RORA: variants seen among roughly 807,000 people sequenced by gnomAD.
RORA encodes RAR related orphan receptor A.
In RORA, 7 loss-of-function variants were observed where a neutral mutation model predicts 69.5. That is an observed-to-expected ratio of 0.10 (90% CI 0.06 to 0.19). The LOEUF (loss-of-function observed/expected upper bound fraction) is 0.19. RORA is among the 10% of genes least tolerant of loss of function. The pLI is 1.00. For synonymous variants in RORA, 261 were observed against 240.8 expected (o/e 1.08, Z -0.78); for missense variants, 457 against 663.0 (o/e 0.69, Z 3.41).
chr15:60,677,415 T>C (rs2097612576), intron 2 of RORA: 2 of 339,576 alleles, frequency 5.9e-6, no homozygotes, highest in Admixed American at 3.6e-5. Flanking sequence ...CATTGAGAGA[T>C]GGAGGTGCCA....
At chr15:60,978,959 C>CCCTTTTTTTTTTTTTTT (rs1423510527) in intron 1 of RORA, among the ~76,000 whole-genome samples, 1 of 48,976 alleles carries the variant, frequency 2.0e-5, no homozygotes, top group African/African-American at 7.3e-5. Flanking sequence ...TCCAACTTTG[C>CCCTTTTTTTTTTTTTTT]TCTTTTTTTT....
At chr15:61,118,734 C>A (rs1241420525) in intron 1 of RORA, among the ~76,000 whole-genome samples, 1 of 152,140 alleles carries the variant, frequency 6.6e-6, no homozygotes, top group Non-Finnish European at 1.5e-5. Flanking sequence ...GACGCTACCC[C>A]TGCCAAATAG....
At chr15:61,139,214 C>G (rs1160833817) in intron 1 of RORA, among the ~76,000 whole-genome samples, 6 of 152,074 alleles carry the variant, frequency 3.9e-5, no homozygotes, top group Non-Finnish European at 8.8e-5. Context: ...CTAATATGCA[C>G]TGAGAAGCAA....
intron 1 of RORA, among the ~76,000 whole-genome samples, chr15:60,753,841 G>A (rs189161812): frequency 6.6e-6 from 1 of 152,318 alleles, no homozygotes; most frequent in East Asian, 1.9e-4. Flanking sequence ...AGTGATTACA[G>A]CACTTGATTC....
chr15:60,690,114 A>G (rs933068031), intron 1 of RORA, among the ~76,000 whole-genome samples: 4 of 152,214 alleles, frequency 2.6e-5, no homozygotes, highest in African/African-American at 7.2e-5. Flanking sequence ...GTGTCTGGCA[A>G]TAATACTCTG....
intron 1 of RORA, among the ~76,000 whole-genome samples, chr15:61,016,828 T>G (rs1895307055): frequency 6.6e-6 from 1 of 151,946 alleles, no homozygotes; most frequent in Middle Eastern, 3.2e-3. Flanking sequence ...GGTGGAGTAG[T>G]CCCCCTGGTA....
intron 1 of RORA, among the ~76,000 whole-genome samples, chr15:60,847,092 A>G (rs1324344263): frequency 6.6e-6 from 1 of 152,088 alleles, no homozygotes; most frequent in Non-Finnish European, 1.5e-5. Context: ...AGCAATTGAT[A>G]CCCTCTCATT....
intron 1 of RORA, among the ~76,000 whole-genome samples, chr15:60,820,399 C>T (rs181332989): frequency 6.0e-4 from 92 of 152,236 alleles, no homozygotes; most frequent in African/African-American, 2.1e-3. Flanking sequence ...ATCCCCCTCA[C>T]CCTAGCTTTA....
intron 1 of RORA, among the ~76,000 whole-genome samples, chr15:61,157,968 C>T (rs1567015767): frequency 6.6e-6 from 1 of 152,104 alleles, no homozygotes; most frequent in Non-Finnish European, 1.5e-5. Flanking sequence ...CAGCTGGAGC[C>T]AAATCCCAGA....
intron 1 of RORA, among the ~76,000 whole-genome samples, chr15:60,899,914 G>A (rs1057456685): frequency 1.3e-5 from 2 of 152,182 alleles, no homozygotes; most frequent in Non-Finnish European, 2.9e-5. Context: ...GGAGAAGCAG[G>A]GTCATGCTAG....
intron 1 of RORA, among the ~76,000 whole-genome samples, chr15:61,065,067 C>A (rs1257088808): frequency 6.6e-6 from 1 of 152,178 alleles, no homozygotes; most frequent in Non-Finnish European, 1.5e-5. Flanking sequence ...CACAAATTAA[C>A]AATAGTGTTA....
intron 1 of RORA, among the ~76,000 whole-genome samples, chr15:61,221,662 T>C (rs1393682017): frequency 6.6e-6 from 1 of 152,146 alleles, no homozygotes; most frequent in Non-Finnish European, 1.5e-5. Flanking sequence ...CTTCACTACA[T>C]TCATATTTCA....
rs750745010 is a variant in RORA, at chr15:61,221,257, T to C, written c.166+7796A>G. Among the ~76,000 whole-genome samples, 84 of 152,234 alleles carry C rather than the reference T, an allele frequency of 5.5e-4. 1 individual carries two copies. The highest frequency in any genetic ancestry group is 2.4e-4 in the Non-Finnish European group (16 of 68,048). ...CCGTACAACCTAAAATTCATATTTA[T>C]GGCTTTTGTTTGGCTACAACTAATT... On this transcript the variant is annotated intron_variant, in intron 1 of 10. Coordinates refer to ENST00000335670, the MANE Select transcript of RORA (RefSeq NM_134261.3).
chr15:60,615,890 ACT>A (rs1439282312), intron 2 of RORA, among the ~76,000 whole-genome samples: 1 of 151,866 alleles, frequency 6.6e-6, no homozygotes, highest in Non-Finnish European at 1.5e-5. Context: ...CTGCTTTCTC[ACT>A]CTCCATTCAC....
chr15:60,525,787 A>C (rs1008716633), intron 3 of RORA, among the ~76,000 whole-genome samples: 1 of 152,206 alleles, frequency 6.6e-6, no homozygotes, highest in Non-Finnish European at 1.5e-5. Context: ...AAAAGCAGAG[A>C]ATCTTCTATG....
At chr15:60,958,102 A>G (rs373471426) in intron 1 of RORA, among the ~76,000 whole-genome samples, 15 of 152,320 alleles carry the variant, frequency 9.8e-5, no homozygotes, top group East Asian at 9.6e-4. Flanking sequence ...CTATGGGAGC[A>G]CACAAATCTA....
chr15:60,500,039 T>C (rs1417110491), intron 9 of RORA, 35 bp from the exon 10 acceptor site: 3 of 1,281,418 alleles, frequency 2.3e-6, no homozygotes, highest in Non-Finnish European at 3.4e-6. Context: ...TTAGCATTCC[T>C]CTGACATGGT....
Position 61,131,052 on chromosome 15 carries a change from G to A in RORA, c.166+98001C>T, listed in dbSNP as rs929092016. On this transcript the variant is annotated intron_variant, in intron 1 of 10. Coordinates refer to ENST00000335670, the MANE Select transcript of RORA (RefSeq NM_134261.3). This position sits in a 1 kb window ranked among gnomAD's most constrained non-coding sequence, Gnocchi z 4.2. ...TTCAGTACACGTGTACAGTTCAGAC[G>A]ATGCACCTACTACTCAGCCCTCTGT... Among the ~76,000 whole-genome samples the A allele has an allele frequency of 5.3e-5, 8 of 152,088 alleles. No homozygotes were observed. The highest frequency in any genetic ancestry group is 1.9e-4 in the East Asian group (1 of 5,192).
chr15:60,916,968 G>T (rs553749137), intron 1 of RORA, among the ~76,000 whole-genome samples: 184 of 152,316 alleles, frequency 1.2e-3, no homozygotes, highest in Non-Finnish European at 2.3e-3. Context: ...TGTTAGTGTT[G>T]ACAGGGAAAT....
Sources: allele counts gnomAD v4.1 joint callset (sites outside exome capture counted in the v4.1 genomes callset), GRCh38; gene constraint gnomAD v4.1.1; non-coding constraint Gnocchi (gnomAD v3.1); transcripts MANE v1.5; gene names NCBI Gene and HGNC (gene_info 2026-07-23, HGNC 2026-07-21).